Variants in PCDHA5 observed in about 807,000 individuals in gnomAD.
PCDHA5 encodes the protein protocadherin alpha-5.
Under a neutral mutation model 61.6 loss-of-function variants are expected in PCDHA5, and 43 were observed. The ratio of observed to expected loss-of-function variants is 0.70; its 90% CI spans 0.55 to 0.90. The LOEUF is 0.90. PCDHA5 is among the 40% of genes least tolerant of loss of function. The pLI is 0.00. For missense variants in PCDHA5, 1,298 were observed against 1,222.7 expected, an observed-to-expected ratio of 1.06 and a Z score of -0.92; for synonymous variants, 627 against 543.9, an observed-to-expected ratio of 1.15 and a Z score of -2.13.
chr5:140,834,292 C>T, intron 1 of PCDHA5: 4 of 1,207,488 alleles, frequency 3.3e-6, no homozygotes, highest in Non-Finnish European at 3.5e-6. Flanking sequence ...ACAACAATGG[C>T]CACACATCGA....
chr5:140,959,480 T>C (rs1554224103), intron 1 of PCDHA5, among the ~76,000 whole-genome samples: 1 of 152,222 alleles, frequency 6.6e-6, no homozygotes, highest in Non-Finnish European at 1.5e-5. Context: ...TCAAGGCATA[T>C]TGTTATATAT....
intron 1 of PCDHA5, chr5:140,868,845 A>G (rs1242434681): frequency 6.7e-6 from 3 of 451,106 alleles, no homozygotes; most frequent in Non-Finnish European, 7.5e-6. Flanking sequence ...AACACGTGAA[A>G]TTCTGTGGTG....
chr5:140,882,182 G>GACT (rs1284192603), intron 1 of PCDHA5: 2 of 1,518,394 alleles, frequency 1.3e-6, no homozygotes, highest in African/African-American at 2.8e-5. Flanking sequence ...TCCGCACTAG[G>GACT]AAGCCATAAA....
chr5:140,928,128 A>C (rs782708968), intron 1 of PCDHA5: 1 of 1,614,194 alleles, frequency 6.2e-7, no homozygotes, highest in Admixed American at 1.7e-5. Context: ...GTGAATACCA[A>C]GTCCTGATCA....
At chr5:140,857,449 C>T (rs2044602345) in intron 1 of PCDHA5, 1 of 1,598,510 alleles carries the variant, frequency 6.3e-7, no homozygotes, top group East Asian at 2.2e-5. Context: ...AGGAGAACAA[C>T]CCGCCAGGCT....
At chr5:140,870,201 G>A in intron 1 of PCDHA5, 2 of 1,614,140 alleles carry the variant, frequency 1.2e-6, no homozygotes, top group Non-Finnish European at 8.5e-7. Context: ...AGCCCAGCAC[G>A]GTCATTGCCC....
intron 1 of PCDHA5, among the ~76,000 whole-genome samples, chr5:140,939,305 C>A (rs1251046319): frequency 6.6e-6 from 1 of 152,114 alleles, no homozygotes; most frequent in Non-Finnish European, 1.5e-5. Context: ...TCTACAAAAG[C>A]CCTACCTCCT....
chr5:140,963,770 C>T (rs1296794666), intron 1 of PCDHA5, among the ~76,000 whole-genome samples: 2 of 152,176 alleles, frequency 1.3e-5, no homozygotes, highest in Non-Finnish European at 2.9e-5. Context: ...TATTTCATGA[C>T]GACAGCAACA....
At chr5:140,948,563 A>AT (rs1400147953) in intron 1 of PCDHA5, among the ~76,000 whole-genome samples, 1 of 151,546 alleles carries the variant, frequency 6.6e-6, no homozygotes, top group African/African-American at 2.4e-5. Flanking sequence ...GTTAAGTTGT[A>AT]TTTTTTAAAG....
At chr5:140,875,346 T>A in intron 1 of PCDHA5, 1 of 1,443,436 alleles carries the variant, frequency 6.9e-7, no homozygotes, top group Non-Finnish European at 9.1e-7. Flanking sequence ...GACTCCATAA[T>A]GACTGTGATG....
intron 1 of PCDHA5, chr5:140,835,976 G>T: frequency 6.2e-7 from 1 of 1,613,312 alleles, no homozygotes; most frequent in Non-Finnish European, 8.5e-7. Flanking sequence ...TGGAGCTGTT[G>T]CAGTTCCAGG....
intron 1 of PCDHA5, chr5:140,828,899 G>A: frequency 6.2e-7 from 1 of 1,614,256 alleles, no homozygotes; most frequent in Non-Finnish European, 8.5e-7. Flanking sequence ...TTCTGATCGG[G>A]ATGAAGGAGC....
chr5:140,982,701 T>C, intron 3 of PCDHA5, 138 bp downstream of exon 3: 1 of 1,383,086 alleles, frequency 7.2e-7, no homozygotes, highest in South Asian at 1.6e-5. Flanking sequence ...CATACATGAT[T>C]TCCTTACATA....
intron 1 of PCDHA5, chr5:140,863,374 A>C: frequency 5.3e-5 from 60 of 1,135,154 alleles, no homozygotes; most frequent in Non-Finnish European, 7.5e-5. Flanking sequence ...GGCGCAGCTC[A>C]CCGAGAGCTC....
In PCDHA5 at chr5:140,906,570, T is replaced by C. The variant is rs371493282; in HGVS notation, c.2353-72379T>C. ...TGCAACTGGTTGTGTGGTTCATAGCTGGTATTGATGACTACCTTCCTCTAC... is the reference window on the plus strand; with the variant it reads ...TGCAACTGGTTGTGTGGTTCATAGCCGGTATTGATGACTACCTTCCTCTAC... On this transcript the variant is annotated intron_variant, in intron 1 of 3. Coordinates refer to ENST00000529859, the MANE Select transcript of PCDHA5 (RefSeq NM_018908.3). 1.7e-4 allele frequency among the ~76,000 whole-genome samples: 26 copies of C among 152,230 alleles called. No homozygotes were observed. In the East Asian group the frequency reaches 2.1e-3, roughly 12 times the overall value.
intron 1 of PCDHA5, chr5:140,854,181 AGTTT>A (rs1554147112): frequency 9.2e-6 from 4 of 434,258 alleles, no homozygotes; most frequent in Non-Finnish European, 1.2e-5. Flanking sequence ...AAAAAAGAGT[AGTTT>A]AACTACTCCC....
At chr5:140,856,513 C>A (rs17844340) in intron 1 of PCDHA5, 3 of 1,598,242 alleles carry the variant, frequency 1.9e-6, no homozygotes, top group Non-Finnish European at 2.6e-6. Flanking sequence ...CACTAGAAGG[C>A]GCATCTGATG....
chr5:140,847,059 G>A (rs1780837481), intron 1 of PCDHA5, among the ~76,000 whole-genome samples: 1 of 149,712 alleles, frequency 6.7e-6, no homozygotes, highest in East Asian at 1.9e-4. Context: ...GACACAGAAA[G>A]CATCAATATG....
At chr5:140,958,593 A>G (rs1412529643) in intron 1 of PCDHA5, among the ~76,000 whole-genome samples, 2 of 152,214 alleles carry the variant, frequency 1.3e-5, no homozygotes, top group African/African-American at 4.8e-5. Context: ...GCTTATGATA[A>G]TTGGATCAAA....
Sources: allele counts gnomAD v4.1 joint callset (sites outside exome capture counted in the v4.1 genomes callset), GRCh38; gene constraint gnomAD v4.1.1; transcripts MANE v1.5; gene names NCBI Gene and HGNC (gene_info 2026-07-23, HGNC 2026-07-21).